Variants in PDE4C observed in about 807,000 individuals in gnomAD.
The protein encoded by PDE4C is 3',5'-cyclic-AMP phosphodiesterase 4C.
PDE4C carries 50 observed loss-of-function variants against 63.9 expected under a neutral mutation model. The ratio of observed to expected loss-of-function variants is 0.78; its 90% CI spans 0.62 to 0.99. The LOEUF (loss-of-function observed/expected upper bound fraction) is 0.99, where lower values mean the gene tolerates loss of function less well. Among genes scored for constraint, PDE4C ranks in the 50% least tolerant of loss-of-function variants. The pLI is 0.00. For synonymous variants in PDE4C, 377 were observed against 385.1 expected, an observed-to-expected ratio of 0.98 and a Z score of 0.25; for missense variants, 777 against 899.1, an observed-to-expected ratio of 0.86 and a Z score of 1.74.
chr19:18,252,342 G>A (rs1483267020), upstream of PDE4C: 1 of 399,142 alleles, frequency 2.5e-6, no homozygotes, highest in Non-Finnish European at 4.4e-6. Flanking sequence ...TATGGAGTCT[G>A]TCTCCAAACT....
intron 13 of PDE4C, 44 bp downstream of exon 13, chr19:18,213,324 C>T (rs1447484024): frequency 6.6e-7 from 1 of 1,524,976 alleles, no homozygotes; most frequent in Non-Finnish European, 8.8e-7. Flanking sequence ...TAAAGTAAAA[C>T]CAAAATTTAA....
chr19:18,225,713 C>A (rs1435154001), intron 1 of PDE4C: 1 of 153,308 alleles, frequency 6.5e-6, no homozygotes, highest in Non-Finnish European at 1.5e-5. Context: ...CAAGCAGCTG[C>A]CGGGCGCAGG....
chr19:18,217,696 A>G (rs1022254955), intron 11 of PDE4C, among the ~76,000 whole-genome samples: 1 of 152,086 alleles, frequency 6.6e-6, no homozygotes, highest in Non-Finnish European at 1.5e-5. Flanking sequence ...CAGGAGTTTG[A>G]GACCAGCCTG....
intron 1 of PDE4C, among the ~76,000 whole-genome samples, chr19:18,242,475 CA>C (rs748870873): frequency 2.9e-3 from 86 of 29,806 alleles, no homozygotes; most frequent in Non-Finnish European, 4.1e-3. Flanking sequence ...GACTCCATCT[CA>C]AAAAAAAAAA....
At chr19:18,233,688 T>G, upstream of PDE4C, 32 of 323,558 alleles carry the variant, frequency 9.9e-5, no homozygotes, top group East Asian at 5.7e-4. Flanking sequence ...TCCGGGTGGA[T>G]GAGACAGCGA....
At chr19:18,230,115 T>C (rs1032340622), upstream of PDE4C, among the ~76,000 whole-genome samples, 5 of 152,240 alleles carry the variant, frequency 3.3e-5, no homozygotes, top group South Asian at 2.1e-4. Context: ...ACATTTATTG[T>C]CATGATTATT....
At chr19:18,238,498 A>C (rs1968990145), upstream of PDE4C, among the ~76,000 whole-genome samples, 1 of 151,684 alleles carries the variant, frequency 6.6e-6, no homozygotes. Context: ...TTGGCCTCCC[A>C]AAGTGTGGGA....
Position 18,224,496 on chromosome 19 carries a change from G to C in PDE4C, c.146+1774C>G, listed in dbSNP as rs1968641306. 7 of 985,514 alleles carry C rather than the reference G, an allele frequency of 7.1e-6. No individual in the cohort carries two copies. In the South Asian group the frequency reaches 3.3e-4, roughly 46 times the overall value. 61.0% of individuals were successfully genotyped at this position (985,514 alleles called of 1,614,324 possible). On this transcript the variant is annotated intron_variant, in intron 1 of 14. Transcript: ENST00000262805. The stretch of plus-strand genomic sequence containing the variant: ...GAGTTGGGTCTGATCACGTCGAATT[G>C]GACTTGGTCACGAAGAGTTTGTTCG...
chr19:18,216,899 T>C lies in PDE4C; in HGVS notation c.1235-4A>G, dbSNP rs780168200. The stretch of plus-strand genomic sequence containing the variant: ...TACATAAGCGCCAGCTCTGAGTCTG[T>C]GAGGGTATGGGACTGAGAGCCCCAA... On this transcript the variant is annotated splice_polypyrimidine_tract_variant and splice_region_variant and intron_variant, in intron 11 of 14. Transcript: ENST00000262805. 1.2e-6 allele frequency: 2 copies of C among 1,608,258 alleles called. No homozygotes were observed. Among genetic ancestry groups the C allele is most frequent in the South Asian group, 2.2e-5 (2 of 90,410 alleles).
At chr19:18,248,557 C>A (rs115043242), upstream of PDE4C, among the ~76,000 whole-genome samples, 635 of 151,228 alleles carry the variant, frequency 4.2e-3, 4 homozygotes, top group African/African-American at 0.015. Context: ...AGAGAGAGGG[C>A]GCGAAGGAAG....
exon 15 of PDE4C, chr19:18,210,846 G>GTA: frequency 1.3e-6 from 2 of 1,510,026 alleles, no homozygotes; most frequent in Non-Finnish European, 1.8e-6. Flanking sequence ...GGAGCCACAT[G>GTA]GAGCCTCTTC....
chr19:18,222,700 CTTTTT>C (rs1199712120), intron 1 of PDE4C, among the ~76,000 whole-genome samples: 794 of 53,356 alleles, frequency 0.015, 19 homozygotes, highest in Admixed American at 0.096. Flanking sequence ...CCTTTCTTTT[CTTTTT>C]TTTTTTTTTT....
chr19:18,238,222 G>T (rs888791416), upstream of PDE4C, among the ~76,000 whole-genome samples: 2 of 150,584 alleles, frequency 1.3e-5, no homozygotes, highest in African/African-American at 4.9e-5. Flanking sequence ...GAGACCCCCT[G>T]TATCTCTCTC....
upstream of PDE4C, chr19:18,250,613 T>A: frequency 2.5e-6 from 1 of 395,772 alleles, no homozygotes; most frequent in Admixed American, 4.4e-5. Flanking sequence ...CACTTTTTAA[T>A]CATGTATTTT....
At chr19:18,241,501 T>C (rs550809958) in intron 1 of PDE4C, among the ~76,000 whole-genome samples, 1 of 152,022 alleles carries the variant, frequency 6.6e-6, no homozygotes, top group Non-Finnish European at 1.5e-5. Flanking sequence ...TCTCCTGACC[T>C]CATGATCTGC....
chr19:18,218,303 C>G, intron 10 of PDE4C, 31 bp downstream of exon 10: 3 of 1,613,118 alleles, frequency 1.9e-6, no homozygotes, highest in East Asian at 2.2e-5. Context: ...GCCCTGCACC[C>G]GCCCACCTGC....
chr19:18,210,923 C>T (rs747530900), exon 15 of PDE4C: 2 of 1,594,752 alleles, frequency 1.3e-6, no homozygotes, highest in Admixed American at 1.7e-5. Context: ...TCACGCAGGG[C>T]TGGCCCTAAG....
chr19:18,215,899 C>T (rs575614471), intron 12 of PDE4C, among the ~76,000 whole-genome samples: 7 of 149,724 alleles, frequency 4.7e-5, no homozygotes, highest in East Asian at 2.0e-4. Context: ...GTGCAATCTC[C>T]GCTCACTGCC....
exon 1 of PDE4C, chr19:18,233,302 G>C: frequency 6.9e-7 from 1 of 1,446,586 alleles, no homozygotes; most frequent in South Asian, 1.2e-5. Flanking sequence ...GGAGGCGACA[G>C]CGAGGAGCTG....
Sources: allele counts gnomAD v4.1 joint callset (sites outside exome capture counted in the v4.1 genomes callset), GRCh38; gene constraint gnomAD v4.1.1; transcripts MANE v1.5; gene names NCBI Gene and HGNC (gene_info 2026-07-23, HGNC 2026-07-21).